Variants in NFATC2 observed in about 807,000 individuals in gnomAD.
NFATC2 encodes nuclear factor of activated T-cells, cytoplasmic 2.
NFATC2 carries 22 observed loss-of-function variants against 87.3 expected under a neutral mutation model. The observed-to-expected ratio is 0.25, with a 90% CI of 0.18 to 0.36. NFATC2 has a LOEUF of 0.36. Ranked by LOEUF, NFATC2 falls within the 10% of genes least tolerant of loss-of-function variation. The pLI, the probability that NFATC2 is intolerant of heterozygous loss-of-function variation, is 1.00. For synonymous variants in NFATC2, 565 were observed against 542.2 expected (o/e 1.04, Z -0.58); for missense variants, 1,149 against 1,259.1 (o/e 0.91, Z 1.32).
At position 51,524,128 on chromosome 20, in the gene NFATC2, A is replaced by C; in HGVS notation, c.131-18T>G. The C allele has an allele frequency of 1.4e-6, 2 of 1,439,620 alleles. No individual in the cohort carries two copies. Among genetic ancestry groups the C allele is most frequent in the South Asian group, 1.7e-5 (1 of 59,560 alleles). The allele number at this position is 1,439,620 out of a possible 1,614,324, so 89.2% of individuals were successfully genotyped here. On this transcript the variant is annotated intron_variant, in intron 1 of 10. Transcript: ENST00000371564. This position sits in a 1 kb window ranked among gnomAD's most constrained non-coding sequence, Gnocchi z 4.0. ...CGGCTCTTCTGGAAAGAGAAGGGGG[A>C]AGGGGGTTCTTTTTAAGCCTCAAAA...
chr20:51,501,629 T>C (rs984559523), intron 3 of NFATC2, among the ~76,000 whole-genome samples: 4 of 152,176 alleles, frequency 2.6e-5, no homozygotes, highest in African/African-American at 9.7e-5. Context: ...CTAAATAGCA[T>C]CCTCACCACT....
chr20:51,452,267 C>CCCTTCCCAAGTCT (rs972036607), intron 6 of NFATC2, among the ~76,000 whole-genome samples: 1 of 152,156 alleles, frequency 6.6e-6, no homozygotes, highest in Non-Finnish European at 1.5e-5. Context: ...CCTCTGCTGA[C>CCCTTCCCAAGTCT]CCTTCCCAAG....
At chr20:51,488,208 G>C (rs956781963) in intron 3 of NFATC2, among the ~76,000 whole-genome samples, 1 of 152,188 alleles carries the variant, frequency 6.6e-6, no homozygotes, top group Admixed American at 6.5e-5. Flanking sequence ...TAAGCTGAAG[G>C]CTGTCCTTCA....
At chr20:51,408,288 C>T (rs1033659953) in intron 9 of NFATC2, among the ~76,000 whole-genome samples, 8 of 152,024 alleles carry the variant, frequency 5.3e-5, no homozygotes, top group African/African-American at 1.9e-4. Context: ...CTGAGGCGGG[C>T]AGATCACTTG....
Position 51,391,465 on chromosome 20 carries a change from GA to G in NFATC2, c.*45-15del, listed in dbSNP as rs1474696520. 4 of 1,219,004 alleles carry G rather than the reference GA, an allele frequency of 3.3e-6. No homozygotes were observed. In the South Asian group the frequency reaches 3.6e-5, roughly 11 times the overall value. The allele number at this position is 1,219,004 out of a possible 1,614,324, so 75.5% of individuals were successfully genotyped here. On this transcript the variant is annotated splice_polypyrimidine_tract_variant and intron_variant, in intron 10 of 10. Transcript: ENST00000371564. ...TAATTTCATTAACTACAAAAGAAAA[GA>G]GGAGGGGGGGGGAGAGAGAATGGGG... is the stretch of plus-strand genomic sequence containing the variant.
rs1453524083 is a variant in NFATC2 at position 51,480,936 on chromosome 20, C to G, written c.1333-5276G>C. On this transcript the variant is annotated intron_variant, in intron 3 of 10. Coordinates refer to ENST00000371564, the MANE Select transcript of NFATC2 (RefSeq NM_012340.5). The surrounding 1 kb of genome is among the most constrained non-coding windows in gnomAD (Gnocchi z 4.2). ...AAAGTGAGAACCAACGTGAAGGCCT[C>G]CCATATGGGAAAGCCCAGGCACTAA... Among the ~76,000 whole-genome samples the G allele has an allele frequency of 2.6e-5, 4 of 152,130 alleles. No individual in the cohort carries two copies. The highest frequency in any genetic ancestry group is 9.7e-5 in the African/African-American group (4 of 41,434).
intron 10 of NFATC2, among the ~76,000 whole-genome samples, chr20:51,397,591 A>AAAGTCCTGAG (rs1422860439): frequency 1.3e-5 from 2 of 152,108 alleles, no homozygotes; most frequent in African/African-American, 4.8e-5. Flanking sequence ...CCTCGGATGC[A>AAAGTCCTGAG]AAGTCCTGAG....
chr20:51,464,222 C>G (rs1987441011), intron 5 of NFATC2, among the ~76,000 whole-genome samples: 1 of 152,214 alleles, frequency 6.6e-6, no homozygotes, highest in African/African-American at 2.4e-5. Context: ...TGAGATCCGT[C>G]CACACTGGGC....
At chr20:51,430,591 C>T (rs1982559700) in intron 9 of NFATC2, among the ~76,000 whole-genome samples, 1 of 152,098 alleles carries the variant, frequency 6.6e-6, no homozygotes, top group Non-Finnish European at 1.5e-5. Flanking sequence ...AAGAAGTGGC[C>T]CCAGAGGTCT....
intron 1 of NFATC2, among the ~76,000 whole-genome samples, chr20:51,541,106 C>G (rs1262048490): frequency 1.3e-5 from 2 of 152,254 alleles, no homozygotes; most frequent in African/African-American, 4.8e-5. Context: ...AAAGCTAAAG[C>G]AAACCCCTCA....
At chr20:51,425,207 A>G (rs1237819255) in intron 9 of NFATC2, among the ~76,000 whole-genome samples, 1 of 152,180 alleles carries the variant, frequency 6.6e-6, no homozygotes, top group East Asian at 1.9e-4. Context: ...TTTTTTATAT[A>G]TTTTTCCTAA....
At chr20:51,504,512 G>A (rs548126685) in intron 3 of NFATC2, among the ~76,000 whole-genome samples, 2 of 152,312 alleles carry the variant, frequency 1.3e-5, no homozygotes, top group Non-Finnish European at 2.9e-5. Context: ...TCTCAAGGTC[G>A]TTAAAGATTT....
At chr20:51,441,589 C>T (rs950100351) in intron 6 of NFATC2, among the ~76,000 whole-genome samples, 17 of 151,308 alleles carry the variant, frequency 1.1e-4, no homozygotes, top group African/African-American at 3.4e-4. Flanking sequence ...TGGTAGTGGG[C>T]GCCTGTAATC....
At chr20:51,398,875 C>T (rs1987653491) in intron 9 of NFATC2, 145 bp from the exon 10 acceptor site, 1 of 630,582 alleles carries the variant, frequency 1.6e-6, no homozygotes, top group East Asian at 2.7e-5. Context: ...AATTCTGCAA[C>T]ATCTTAGCAT....
chr20:51,505,629 G>A (rs1485007374), intron 3 of NFATC2, among the ~76,000 whole-genome samples: 1 of 152,108 alleles, frequency 6.6e-6, no homozygotes, highest in Non-Finnish European at 1.5e-5. Flanking sequence ...GAAATGGCTT[G>A]GCCAAAGTGC....
In NFATC2 at chr20:51,408,513, A is replaced by T. The variant is rs894842133; in HGVS notation, c.2723-9783T>A. ...TGGGGGACTGAGCAAGACTCTTTTT[A>T]AAAAAAAAAAAAAAAAAAGCCAGAG... On this transcript the variant is annotated intron_variant, in intron 9 of 10. Coordinates refer to ENST00000371564, the MANE Select transcript of NFATC2 (RefSeq NM_012340.5). Among the ~76,000 whole-genome samples the T allele has an allele frequency of 4.4e-3, 542 of 123,316 alleles. 12 individuals are homozygous for T. The highest frequency in any genetic ancestry group is 0.017 in the African/African-American group (485 of 27,798). 80.9% of individuals were successfully genotyped at this position (123,316 alleles called of 152,430 possible).
intron 1 of NFATC2, among the ~76,000 whole-genome samples, chr20:51,537,924 G>A (rs1053340349): frequency 2.6e-5 from 4 of 152,182 alleles, no homozygotes; most frequent in Non-Finnish European, 4.4e-5. Flanking sequence ...CAGAAAGATA[G>A]AGTTTACAAA....
rs1055263764 is a variant in NFATC2, at chr20:51,475,619, G to A, written c.1374C>T (p.Ile458=). ...YMENKPLGLQ[I]FIGTADERIL... Reference sequence around the variant, plus strand: ...TCCGCTCATCAGCTGTCCCAATGAAGATCTGAAGTCCCAGAGGCTTGTTTT... The same window carrying A: ...TCCGCTCATCAGCTGTCCCAATGAAAATCTGAAGTCCCAGAGGCTTGTTTT... The change falls in exon 4 of 11, where the codon ATC becomes ATT. Residue 458 remains isoleucine, a synonymous_variant. Transcript: ENST00000371564. 1.9e-6 allele frequency: 3 copies of A among 1,614,028 alleles called. No individual in the cohort carries two copies. The highest frequency in any genetic ancestry group is 1.1e-5 in the South Asian group (1 of 91,076).
chr20:51,396,236 TTC>T (rs1987120724), intron 10 of NFATC2, among the ~76,000 whole-genome samples: 1 of 151,896 alleles, frequency 6.6e-6, no homozygotes, highest in Non-Finnish European at 1.5e-5. Context: ...ACTAGGAATT[TTC>T]TGTTTTGCTA....
Sources: gnomAD v4.1 joint callset for allele counts (sites outside exome capture counted in the v4.1 genomes callset) on GRCh38, gnomAD v4.1.1 for gene constraint, Gnocchi (gnomAD v3.1) non-coding constraint, MANE v1.5 for transcripts, NCBI Gene and HGNC (gene_info 2026-07-23, HGNC 2026-07-21) for gene names.